ACOT7: variants seen among roughly 807,000 people sequenced by gnomAD.
ACOT7 encodes the protein cytosolic acyl coenzyme A thioester hydrolase.
In ACOT7, 12 loss-of-function variants were observed where a neutral mutation model predicts 40.2. The observed-to-expected ratio is 0.30, with a 90% CI of 0.19 to 0.48. The LOEUF (loss-of-function observed/expected upper bound fraction) is 0.48, where lower values mean the gene tolerates loss of function less well. ACOT7 is among the 20% of genes least tolerant of loss of function. ACOT7 has a pLI of 0.99. For synonymous variants in ACOT7, 228 were observed against 219.5 expected (o/e 1.04, Z -0.34); for missense variants, 395 against 530.8 (o/e 0.74, Z 2.51).
At chr1:6,302,354 G>A (rs761508635) in intron 6 of ACOT7, among the ~76,000 whole-genome samples, 2 of 152,130 alleles carry the variant, frequency 1.3e-5, no homozygotes, top group Non-Finnish European at 1.5e-5. Context: ...TACGACTCAG[G>A]AGATAACCTT....
chr1:6,393,028 C>A (rs1346524113), intron 1 of ACOT7, among the ~76,000 whole-genome samples: 1 of 151,874 alleles, frequency 6.6e-6, no homozygotes, highest in Admixed American at 6.6e-5. Flanking sequence ...CCTGGAGATG[C>A]GGCCAGGAGG....
intron 1 of ACOT7, among the ~76,000 whole-genome samples, chr1:6,389,009 C>T (rs1642488567): frequency 6.6e-6 from 1 of 151,508 alleles, no homozygotes; most frequent in African/African-American, 2.4e-5. Context: ...CCACTGCACT[C>T]CAGCCTGGGC....
chr1:6,377,110 G>A (rs984958958), intron 1 of ACOT7, among the ~76,000 whole-genome samples: 25 of 152,208 alleles, frequency 1.6e-4, no homozygotes, highest in African/African-American at 6.0e-4. Flanking sequence ...GTGGAGCACA[G>A]GAGCCCTCAT....
rs138220668 is a variant in ACOT7 at position 6,281,263 on chromosome 1, G to A, written c.853C>T (p.Arg285Cys). The A allele has an allele frequency of 8.7e-6, 14 of 1,613,360 alleles. No individual in the cohort carries two copies. In the South Asian group the frequency reaches 9.9e-5, roughly 11 times the overall value. The change falls in exon 8 of 9, where the codon CGC (arginine) becomes TGC (cysteine). Residue 285 changes from arginine to cysteine, a missense_variant. Around this residue, in one of 2 missense-constraint regions of ACOT7, gnomAD observed 309 missense variants for 470.3 expected, o/e 0.66. Transcript: ENST00000361521. ...GACTTATTGCTCGTGAAGGTCATGC[G>A]TCCCGAGATGGTGATGACGCAGCCT... ...RKGCVITISG[R>C]MTFTSNKSME...
intron 8 of ACOT7, among the ~76,000 whole-genome samples, chr1:6,271,958 T>C (rs920430318): frequency 6.6e-6 from 1 of 152,240 alleles, no homozygotes; most frequent in East Asian, 1.9e-4. Context: ...CAGGAGCCCC[T>C]CCTGCAGGCA....
chr1:6,266,775 C>T (rs1471440067), intron 8 of ACOT7, among the ~76,000 whole-genome samples: 1 of 152,280 alleles, frequency 6.6e-6, no homozygotes, highest in Non-Finnish European at 1.5e-5. Context: ...CGGCCGCCCA[C>T]AGCCTGGCTT....
chr1:6,343,942 A>G (rs61708766), intron 2 of ACOT7, among the ~76,000 whole-genome samples: 6,434 of 152,276 alleles, frequency 0.042, 306 homozygotes, highest in African/African-American at 0.12. Context: ...CCTGGGTTCT[A>G]GCTGGGGGGA....
At position 6,355,803 on chromosome 1, in the gene ACOT7, A is replaced by G. The variant is rs6699469; in HGVS notation, c.144-5937T>C. Among the ~76,000 whole-genome samples the G allele has an allele frequency of 0.18, 27,991 of 152,154 alleles. 5,427 individuals are homozygous for G. Among genetic ancestry groups the G allele is most frequent in the African/African-American group, 0.49 (20,295 of 41,500 alleles). ...GCAGCGGCCCTGGGGTCCAGCCCAC[A>G]TCCTCGCAGGACAGCCCGAGCCTGT... is the stretch of plus-strand genomic sequence containing the variant. On this transcript the variant is annotated intron_variant, in intron 1 of 8. Coordinates refer to ENST00000361521, the MANE Select transcript of ACOT7 (RefSeq NM_007274.4). The surrounding 1 kb of genome is among the most constrained non-coding windows in gnomAD (Gnocchi z 5.0).
chr1:6,366,571 A>C (rs1394717306), intron 1 of ACOT7, among the ~76,000 whole-genome samples: 1 of 149,944 alleles, frequency 6.7e-6, no homozygotes, highest in Non-Finnish European at 1.5e-5. Flanking sequence ...CGGGTGACAG[A>C]GTGGGAGCCT....
chr1:6,340,081 T>C (rs1641230589), intron 2 of ACOT7, among the ~76,000 whole-genome samples: 2 of 151,964 alleles, frequency 1.3e-5, no homozygotes, highest in Non-Finnish European at 2.9e-5. Flanking sequence ...TTCTCCTGCC[T>C]CAGCCTCCCG....
intron 2 of ACOT7, among the ~76,000 whole-genome samples, chr1:6,346,432 G>A (rs1316256081): frequency 6.6e-6 from 1 of 152,194 alleles, no homozygotes; most frequent in Non-Finnish European, 1.5e-5. Flanking sequence ...TGGATATCTG[G>A]GGAAAGCCAG....
At chr1:6,354,968 G>A (rs1001841071) in intron 1 of ACOT7, among the ~76,000 whole-genome samples, 25 of 151,856 alleles carry the variant, frequency 1.6e-4, no homozygotes, top group African/African-American at 6.1e-4. Flanking sequence ...ACCTTCCAGG[G>A]CCTTTCCCAT....
chr1:6,346,068 A>C (rs1214387078), intron 2 of ACOT7, among the ~76,000 whole-genome samples: 2 of 152,218 alleles, frequency 1.3e-5, no homozygotes, highest in Non-Finnish European at 2.9e-5. Flanking sequence ...GGAAGCAGAG[A>C]GGGAGCCAGG....
intron 4 of ACOT7, among the ~76,000 whole-genome samples, chr1:6,331,811 G>T (rs1016319221): frequency 4.6e-5 from 7 of 152,178 alleles, no homozygotes; most frequent in Non-Finnish European, 1.0e-4. Context: ...CCCACCTGGG[G>T]AGACACCCCA....
chr1:6,336,358 A>AAAAAAAAACC (rs1641102801), intron 3 of ACOT7, among the ~76,000 whole-genome samples: 1 of 150,310 alleles, frequency 6.7e-6, no homozygotes, highest in African/African-American at 2.4e-5. Context: ...AAAAAAAAAA[A>AAAAAAAAACC]TCTCTTAAAA....
At chr1:6,362,022 G>C (rs547817367) in intron 1 of ACOT7, among the ~76,000 whole-genome samples, 2 of 152,206 alleles carry the variant, frequency 1.3e-5, no homozygotes, top group Non-Finnish European at 2.9e-5. Context: ...AAGTAGAACT[G>C]GCTCAGTAGG....
At chr1:6,373,802 T>G (rs1571350880) in intron 1 of ACOT7, among the ~76,000 whole-genome samples, 1 of 150,582 alleles carries the variant, frequency 6.6e-6, no homozygotes, top group East Asian at 2.0e-4. Context: ...GAGGGAGAGG[T>G]TGCAGTGAGC....
rs61329489 is a variant in ACOT7, at chr1:6,282,520, C to T, written c.830-1234G>A. Among the ~76,000 whole-genome samples, 2,415 of 152,234 alleles carry T rather than the reference C, an allele frequency of 0.016. 75 individuals carry two copies. The highest frequency in any genetic ancestry group is 0.055 in the African/African-American group (2,292 of 41,540). ...GCTCCCCAGGAAATATATCTGGCTTCGGGGACTTTTTAATGTGGCCTCTGG... is the reference window on the plus strand; with the variant it reads ...GCTCCCCAGGAAATATATCTGGCTTTGGGGACTTTTTAATGTGGCCTCTGG... On this transcript the variant is annotated intron_variant, in intron 7 of 8. Transcript: ENST00000361521. The surrounding 1 kb of genome is among the most constrained non-coding windows in gnomAD (Gnocchi z 4.5).
At position 6,301,978 on chromosome 1, in the gene ACOT7, C is replaced by T. The variant is rs1027651176; in HGVS notation, c.713-6998G>A. ...CTATGAAACAACAACTTTATACTAACGATGGAAAAGGCCAAGACTGGTGGA... is the reference window on the plus strand; with the variant it reads ...CTATGAAACAACAACTTTATACTAATGATGGAAAAGGCCAAGACTGGTGGA... On this transcript the variant is annotated intron_variant, in intron 6 of 8. Transcript: ENST00000361521. This position sits in a 1 kb window ranked among gnomAD's most constrained non-coding sequence, Gnocchi z 4.1. Among the ~76,000 whole-genome samples the T allele has an allele frequency of 2.6e-5, 4 of 152,214 alleles. No individual in the cohort carries two copies. Among genetic ancestry groups the T allele is most frequent in the Admixed American group, 1.3e-4 (2 of 15,280 alleles).
Sources: allele counts gnomAD v4.1 joint callset (sites outside exome capture counted in the v4.1 genomes callset), GRCh38; gene constraint gnomAD v4.1.1; regional missense constraint gnomAD v4.1.1; non-coding constraint Gnocchi (gnomAD v3.1); transcripts MANE v1.5; gene names NCBI Gene and HGNC (gene_info 2026-07-23, HGNC 2026-07-21).